The following NTRK2 variants were observed in gnomAD, a reference collection of about 807,000 sequenced individuals.
The protein encoded by NTRK2 is neurotrophic receptor tyrosine kinase 2.
NTRK2 carries 13 observed loss-of-function variants against 94.5 expected under a neutral mutation model. The observed-to-expected ratio is 0.14, with a 90% CI of 0.09 to 0.22. NTRK2 has a LOEUF of 0.22. Among genes scored for constraint, NTRK2 ranks in the 10% least tolerant of loss-of-function variants. The probability of loss-of-function intolerance (pLI) is 1.00; values close to 1 mark genes in which losing one functional copy is unlikely to be tolerated. For missense variants in NTRK2, 639 were observed against 1,071.2 expected (o/e 0.60, Z 5.63); for synonymous variants, 372 against 407.4 (o/e 0.91, Z 1.05).
chr9:84,797,585 ACT>A (rs2069529897), intron 12 of NTRK2, among the ~76,000 whole-genome samples: 2 of 91,990 alleles, frequency 2.2e-5, no homozygotes, highest in East Asian at 2.8e-4. Context: ...TATTATATAT[ACT>A]ATATATACTA....
At chr9:84,787,073 G>A (rs1407370600) in intron 12 of NTRK2, among the ~76,000 whole-genome samples, 4 of 152,022 alleles carry the variant, frequency 2.6e-5, no homozygotes, top group African/African-American at 7.3e-5. Flanking sequence ...GGAGGCGGAT[G>A]GATCACCAGA....
At chr9:84,869,051 G>A (rs1379545773) in intron 14 of NTRK2, among the ~76,000 whole-genome samples, 1 of 152,178 alleles carries the variant, frequency 6.6e-6, no homozygotes, top group Non-Finnish European at 1.5e-5. Context: ...TCGAACAAAC[G>A]AGCAAGAGAG....
chr9:84,741,837 AT>A (rs2132304075), intron 9 of NTRK2, 54 bp from the exon 10 acceptor site: 3 of 1,526,980 alleles, frequency 2.0e-6, no homozygotes, highest in Non-Finnish European at 2.7e-6. Context: ...TAGGTTAGTA[AT>A]TTTTTGACTC....
intron 12 of NTRK2, among the ~76,000 whole-genome samples, chr9:84,856,281 T>G (rs1267085783): frequency 6.6e-6 from 1 of 152,198 alleles, no homozygotes; most frequent in Non-Finnish European, 1.5e-5. Flanking sequence ...CTTCCTACAC[T>G]GTGGAGATGG....
intron 14 of NTRK2, among the ~76,000 whole-genome samples, chr9:84,899,060 A>C (rs984970125): frequency 1.3e-5 from 2 of 152,178 alleles, no homozygotes; most frequent in African/African-American, 4.8e-5. Context: ...TATAACACAA[A>C]TATGCTTTTC....
intron 14 of NTRK2, among the ~76,000 whole-genome samples, chr9:84,900,509 G>A (rs965352854): frequency 6.6e-6 from 1 of 152,178 alleles, no homozygotes; most frequent in African/African-American, 2.4e-5. Context: ...AATACTGTGG[G>A]CACACTGAAG....
intron 17 of NTRK2, among the ~76,000 whole-genome samples, chr9:84,960,873 G>A (rs936813584): frequency 3.7e-4 from 57 of 152,260 alleles, no homozygotes; most frequent in African/African-American, 1.3e-3. Flanking sequence ...AGGGCATGGC[G>A]CATATGAGGT....
At chr9:84,813,814 A>G in intron 12 of NTRK2, 1 of 1,065,854 alleles carries the variant, frequency 9.4e-7, no homozygotes, top group Non-Finnish European at 1.1e-6. Context: ...AGGTTTAGAT[A>G]GGAAAGTACA....
intron 12 of NTRK2, among the ~76,000 whole-genome samples, chr9:84,761,375 T>C (rs1303538748): frequency 1.3e-5 from 2 of 152,144 alleles, no homozygotes; most frequent in Non-Finnish European, 2.9e-5. Flanking sequence ...GGTTGTCAAC[T>C]TTAGAAGTCC....
In NTRK2 at chr9:84,833,635, G is replaced by T. The variant is rs907524955; in HGVS notation, c.1397-27405G>T. Among the ~76,000 whole-genome samples the T allele has an allele frequency of 2.0e-5, 3 of 150,852 alleles. No individual in the cohort carries two copies. In the East Asian group the frequency reaches 5.9e-4, roughly 30 times the overall value. On this transcript the variant is annotated intron_variant, in intron 12 of 18. Transcript: ENST00000277120. ...GAAAGAGAGAGAGAAAGAAAGGCAGGAAGGAAGGAGGGAGGCAGGGGAGGG... is the reference window on the plus strand; with the variant it reads ...GAAAGAGAGAGAGAAAGAAAGGCAGTAAGGAAGGAGGGAGGCAGGGGAGGG...
At chr9:85,005,727 G>A (rs1424434779) in intron 17 of NTRK2, among the ~76,000 whole-genome samples, 3 of 152,092 alleles carry the variant, frequency 2.0e-5, no homozygotes, top group Admixed American at 6.6e-5. Context: ...CCAATACCTG[G>A]AATGTAACCT....
chr9:85,017,936 A>T (rs1832410116), intron 17 of NTRK2, among the ~76,000 whole-genome samples: 2 of 152,244 alleles, frequency 1.3e-5, no homozygotes, highest in Non-Finnish European at 2.9e-5. Context: ...GGGTAGGAAG[A>T]AGGTTAAAAT....
chr9:84,869,922 C>T (rs960293440), intron 14 of NTRK2, among the ~76,000 whole-genome samples: 1 of 151,712 alleles, frequency 6.6e-6, no homozygotes, highest in African/African-American at 2.4e-5. Flanking sequence ...ATTTAGATAA[C>T]AATTTTAGCA....
intron 9 of NTRK2, among the ~76,000 whole-genome samples, chr9:84,729,031 A>G (rs1025685001): frequency 1.3e-5 from 2 of 152,140 alleles, no homozygotes; most frequent in African/African-American, 4.8e-5. Flanking sequence ...TGGTGGAGAG[A>G]AGGGAAAATA....
At chr9:84,813,753 C>A in intron 12 of NTRK2, 1 of 1,066,108 alleles carries the variant, frequency 9.4e-7, no homozygotes, top group Non-Finnish European at 1.1e-6. Flanking sequence ...ATATCTGACA[C>A]TAATTTCTTT....
intron 16 of NTRK2, among the ~76,000 whole-genome samples, chr9:84,951,834 A>G (rs1428892508): frequency 6.6e-6 from 1 of 152,200 alleles, no homozygotes; most frequent in Non-Finnish European, 1.5e-5. Flanking sequence ...GCTGCCATGA[A>G]AAGTCCCCAG....
intron 12 of NTRK2, among the ~76,000 whole-genome samples, chr9:84,838,466 TA>T (rs56290009): frequency 0.22 from 33,361 of 152,052 alleles, 3,675 homozygotes; most frequent in East Asian, 0.27. Context: ...GTGTATATTG[TA>T]TATGCATTAT....
At chr9:84,848,079 CAGAGAGAG>C (rs3029704) in intron 12 of NTRK2, among the ~76,000 whole-genome samples, 59 of 144,330 alleles carry the variant, frequency 4.1e-4, no homozygotes, top group Middle Eastern at 3.4e-3. Context: ...TAGAGAGGGG[CAGAGAGAG>C]AGAGAGAGAG....
intron 3 of NTRK2, 43 bp from the exon 4 acceptor site, chr9:84,702,305 C>G: frequency 6.2e-7 from 1 of 1,609,224 alleles, no homozygotes. Flanking sequence ...GGCAGGCATT[C>G]ACTGGTTCGT....
Sources: allele counts gnomAD v4.1 joint callset (sites outside exome capture counted in the v4.1 genomes callset), GRCh38; gene constraint gnomAD v4.1.1; transcripts MANE v1.5; gene names NCBI Gene and HGNC (gene_info 2026-07-23, HGNC 2026-07-21).